SIPA1L3: variants seen among roughly 807,000 people sequenced by gnomAD.
SIPA1L3 encodes signal-induced proliferation-associated 1-like protein 3.
A neutral mutation model predicts 150.1 loss-of-function variants in SIPA1L3; 59 were observed. That is an observed-to-expected ratio of 0.39 (90% CI 0.32 to 0.49). SIPA1L3 has a LOEUF of 0.49. Among genes scored for constraint, SIPA1L3 ranks in the 20% least tolerant of loss-of-function variants. The probability of loss-of-function intolerance (pLI) is 0.86; values close to 1 mark genes in which losing one functional copy is unlikely to be tolerated. For synonymous variants in SIPA1L3, 1,070 were observed against 1,077.6 expected (o/e 0.99, Z 0.14); for missense variants, 2,211 against 2,489.5 (o/e 0.89, Z 2.38).
At chr19:38,168,781 A>T (rs905751792) in intron 15 of SIPA1L3, among the ~76,000 whole-genome samples, 7 of 152,226 alleles carry the variant, frequency 4.6e-5, no homozygotes, top group Admixed American at 4.6e-4. Context: ...AGCCCGCTGC[A>T]GAAGAGGGCC....
chr19:38,045,377 C>CA (rs139129515), intron 2 of SIPA1L3, among the ~76,000 whole-genome samples: 423 of 122,300 alleles, frequency 3.5e-3, no homozygotes, highest in Non-Finnish European at 5.0e-3. Flanking sequence ...GACTCTGTCT[C>CA]AAAAAAAAAA....
chr19:37,955,145 A>G (rs1270820703), intron 1 of SIPA1L3, among the ~76,000 whole-genome samples: 1 of 150,648 alleles, frequency 6.6e-6, no homozygotes, highest in Non-Finnish European at 1.5e-5. Context: ...TAATCCTAGC[A>G]CTTTGGCAGG....
intron 9 of SIPA1L3, among the ~76,000 whole-genome samples, chr19:38,125,052 T>C (rs1163012633): frequency 1.4e-5 from 1 of 72,840 alleles, no homozygotes; most frequent in Non-Finnish European, 2.6e-5. Context: ...GTTTTGTTTT[T>C]TGAGATGGAG....
chr19:38,077,672 T>C (rs867051759), intron 2 of SIPA1L3, among the ~76,000 whole-genome samples: 17,689 of 110,424 alleles, frequency 0.16, 1,480 homozygotes, highest in African/African-American at 0.21. Flanking sequence ...TTTTTTTTTT[T>C]TTTTTTTTTT....
At chr19:38,022,618 G>C (rs924323217) in intron 1 of SIPA1L3, among the ~76,000 whole-genome samples, 2 of 151,790 alleles carry the variant, frequency 1.3e-5, no homozygotes, top group Non-Finnish European at 2.9e-5. Flanking sequence ...TGAGGCAGGA[G>C]AATTGCCTGA....
chr19:37,950,656 T>C (rs1190485062), intron 1 of SIPA1L3, among the ~76,000 whole-genome samples: 1 of 151,612 alleles, frequency 6.6e-6, no homozygotes, highest in Non-Finnish European at 1.5e-5. Flanking sequence ...TCATGAAGGC[T>C]GCGCGGGGCC....
intron 14 of SIPA1L3, among the ~76,000 whole-genome samples, chr19:38,163,058 TG>T (rs1444891652): frequency 6.6e-6 from 1 of 152,110 alleles, no homozygotes; most frequent in East Asian, 1.9e-4. Context: ...ATTCGTTCAG[TG>T]GGTGTTTGAC....
chr19:38,107,542 T>A (rs1165733148), intron 7 of SIPA1L3, among the ~76,000 whole-genome samples: 4 of 152,238 alleles, frequency 2.6e-5, no homozygotes, highest in African/African-American at 9.6e-5. Context: ...TTCTTCCAGT[T>A]CCTAATGAAC....
At chr19:38,062,566 T>C (rs4803708) in intron 2 of SIPA1L3, among the ~76,000 whole-genome samples, 53,694 of 152,062 alleles carry the variant, frequency 0.35, 10,262 homozygotes, top group African/African-American at 0.51. Flanking sequence ...GGATGCCCAC[T>C]TGGGCTCATG....
intron 19 of SIPA1L3, 22 bp from the exon 20 acceptor site, chr19:38,201,837 TCTC>T (rs763418990): frequency 1.6e-5 from 26 of 1,583,022 alleles, no homozygotes; most frequent in Admixed American, 7.2e-5. Flanking sequence ...TGCTGACCCC[TCTC>T]CTCCTCCTCC....
chr19:38,054,005 G>C (rs539606961), intron 2 of SIPA1L3, among the ~76,000 whole-genome samples: 2 of 152,234 alleles, frequency 1.3e-5, no homozygotes, highest in African/African-American at 4.8e-5. Flanking sequence ...TAAGGGACCT[G>C]TCCAAGGTCA....
intron 1 of SIPA1L3, among the ~76,000 whole-genome samples, chr19:37,946,155 CA>C (rs35985422): frequency 0.024 from 3,175 of 135,016 alleles, 82 homozygotes; most frequent in East Asian, 0.077. Context: ...GACTTTGTCT[CA>C]AAAAAAAAAA....
intron 2 of SIPA1L3, among the ~76,000 whole-genome samples, chr19:38,036,789 C>T (rs773395710): frequency 1.2e-4 from 18 of 152,142 alleles, no homozygotes; most frequent in Non-Finnish European, 2.4e-4. Flanking sequence ...TAACCTTGTA[C>T]CTCAGGGACC....
chr19:37,959,803 T>G lies in SIPA1L3; in HGVS notation c.-379+52445T>G, dbSNP rs353422. On this transcript the variant is annotated intron_variant, in intron 1 of 21. Coordinates refer to ENST00000222345, the MANE Select transcript of SIPA1L3 (RefSeq NM_015073.3). The stretch of plus-strand genomic sequence containing the variant: ...AGTGTTTCATTTTTATTTTGTTGGG[T>G]TTTAAAAAACTTTCTTTTTTTTTTT... 1.0e-3 allele frequency among the ~76,000 whole-genome samples: 150 copies of G among 148,392 alleles called. 2 individuals carry two copies. The East Asian group carries it at 0.016, about 16-fold the overall frequency.
At chr19:37,937,740 T>TAAAAAAA in intron 1 of SIPA1L3, among the ~76,000 whole-genome samples, 1 of 12,448 alleles carries the variant, frequency 8.0e-5, no homozygotes, top group Non-Finnish European at 1.2e-4. Context: ...AAACCCTGTC[T>TAAAAAAA]CAAAAAAAAA....
chr19:37,993,326 C>CTAT (rs974440631), intron 1 of SIPA1L3, among the ~76,000 whole-genome samples: 15 of 151,814 alleles, frequency 9.9e-5, no homozygotes, highest in Admixed American at 2.6e-4. Flanking sequence ...GTTTTTATTG[C>CTAT]TATTATTATT....
chr19:37,945,438 A>G (rs990191279), intron 1 of SIPA1L3, among the ~76,000 whole-genome samples: 2 of 152,020 alleles, frequency 1.3e-5, no homozygotes, highest in Non-Finnish European at 2.9e-5. Flanking sequence ...GGGTTTCACC[A>G]TTTTGCCTAG....
intron 1 of SIPA1L3, among the ~76,000 whole-genome samples, chr19:37,910,511 A>G (rs569296930): frequency 6.6e-6 from 1 of 151,322 alleles, no homozygotes; most frequent in South Asian, 2.1e-4. Flanking sequence ...CCTGTGTGAC[A>G]GAGTGAGACC....
chr19:38,050,973 C>CA (rs764372798), intron 2 of SIPA1L3, among the ~76,000 whole-genome samples: 1 of 152,130 alleles, frequency 6.6e-6, no homozygotes, highest in Non-Finnish European at 1.5e-5. Flanking sequence ...GCGGGAGAAT[C>CA]ACTTGAACCT....
Sources: allele counts gnomAD v4.1 joint callset (sites outside exome capture counted in the v4.1 genomes callset), GRCh38; gene constraint gnomAD v4.1.1; transcripts MANE v1.5; gene names NCBI Gene and HGNC (gene_info 2026-07-23, HGNC 2026-07-21).